Variants in CEP112 observed in about 807,000 individuals in gnomAD.
The protein encoded by CEP112 is centrosomal protein of 112 kDa.
A neutral mutation model predicts 153.0 loss-of-function variants in CEP112; 127 were observed. The observed-to-expected ratio is 0.83, with a 90% CI of 0.72 to 0.96. The LOEUF is 0.96. Ranked by LOEUF, CEP112 falls within the 40% of genes least tolerant of loss-of-function variation. The pLI, the probability that CEP112 is intolerant of heterozygous loss-of-function variation, is 0.00. For missense variants in CEP112, 1,089 were observed against 1,101.2 expected (o/e 0.99, Z 0.16); for synonymous variants, 358 against 374.4 (o/e 0.96, Z 0.51).
intron 18 of CEP112, among the ~76,000 whole-genome samples, chr17:65,930,607 C>T (rs1186364536): frequency 6.6e-6 from 1 of 152,156 alleles, no homozygotes; most frequent in Non-Finnish European, 1.5e-5. Context: ...GTATTGTGGT[C>T]AAGAATAAAT....
At chr17:65,947,480 C>T (rs1318949024) in intron 18 of CEP112, among the ~76,000 whole-genome samples, 2 of 152,072 alleles carry the variant, frequency 1.3e-5, no homozygotes, top group African/African-American at 4.8e-5. Flanking sequence ...ACAAATCAGC[C>T]AAGTGGAGAC....
intron 18 of CEP112, among the ~76,000 whole-genome samples, chr17:65,929,673 T>A (rs2061055148): frequency 6.6e-6 from 1 of 152,156 alleles, no homozygotes; most frequent in Non-Finnish European, 1.5e-5. Context: ...TGTCACCCCA[T>A]GTTCACTGTC....
intron 17 of CEP112, among the ~76,000 whole-genome samples, chr17:65,979,393 G>A (rs1301824236): frequency 6.6e-5 from 10 of 151,730 alleles, no homozygotes; most frequent in African/African-American, 4.8e-5. Context: ...ACCTCTACGC[G>A]GGTCTATTTT....
At chr17:65,845,784 G>A (rs1315041470) in intron 21 of CEP112, among the ~76,000 whole-genome samples, 1 of 152,032 alleles carries the variant, frequency 6.6e-6, no homozygotes, top group African/African-American at 2.4e-5. Context: ...ATTTTAAAAG[G>A]CCACAAAAGA....
In CEP112 at chr17:66,019,307, TAACAACAAC is replaced by T. The variant is rs112194513; in HGVS notation, c.1656+8185_1656+8193del. On this transcript the variant is annotated intron_variant, in intron 16 of 26. Transcript: ENST00000535342. ...TATTGAATGTGCACACCTGTAACAC[TAACAACAAC>T]AACAACAACAAAAAAGCCCTATACA... is the stretch of plus-strand genomic sequence containing the variant. Among the ~76,000 whole-genome samples the T allele has an allele frequency of 6.8e-5, 8 of 117,212 alleles. 1 individual carries two copies. Among genetic ancestry groups the T allele is most frequent in the Admixed American group, 2.2e-4 (2 of 9,282 alleles). 76.9% of individuals were successfully genotyped at this position (117,212 alleles called of 152,430 possible). A position where few individuals can be genotyped will look rare whatever the true frequency, so the allele number is the denominator to read the frequency against.
intron 8 of CEP112, among the ~76,000 whole-genome samples, chr17:66,085,979 CAAAA>C (rs373315539): frequency 9.1e-6 from 1 of 110,162 alleles, no homozygotes; most frequent in Non-Finnish European, 1.7e-5. Flanking sequence ...GACTCCGTCT[CAAAA>C]AAAAAAAAAA....
intron 24 of CEP112, among the ~76,000 whole-genome samples, chr17:65,659,792 A>G (rs895511981): frequency 6.6e-6 from 1 of 152,214 alleles, no homozygotes; most frequent in Non-Finnish European, 1.5e-5. Flanking sequence ...CTTCAGAAAT[A>G]CATAACTGAC....
chr17:65,912,176 C>T (rs961469256), intron 19 of CEP112, among the ~76,000 whole-genome samples: 2 of 152,146 alleles, frequency 1.3e-5, no homozygotes, highest in Admixed American at 6.5e-5. Context: ...AAGTAGTATT[C>T]CCACTGGCTC....
chr17:65,990,144 AATAATAT>A (rs2063545236), intron 17 of CEP112, among the ~76,000 whole-genome samples: 1 of 152,054 alleles, frequency 6.6e-6, no homozygotes, highest in African/African-American at 2.4e-5. Context: ...ACAACAAAAT[AATAATAT>A]TTAAGTCCTT....
At chr17:65,736,944 T>C (rs1234860766) in intron 23 of CEP112, among the ~76,000 whole-genome samples, 1 of 152,154 alleles carries the variant, frequency 6.6e-6, no homozygotes, top group African/African-American at 2.4e-5. Context: ...AGTCAGTCAA[T>C]GCACATTCTG....
chr17:65,795,165 A>G (rs1272368342), intron 21 of CEP112, among the ~76,000 whole-genome samples: 1 of 152,178 alleles, frequency 6.6e-6, no homozygotes, highest in Non-Finnish European at 1.5e-5. Flanking sequence ...AGCTCATAAT[A>G]GTGGGAGGTA....
At chr17:66,006,040 C>T (rs1442597576) in intron 16 of CEP112, among the ~76,000 whole-genome samples, 2 of 152,058 alleles carry the variant, frequency 1.3e-5, no homozygotes, top group Non-Finnish European at 2.9e-5. Context: ...AAATGGAATA[C>T]TTCAGATTTT....
intron 16 of CEP112, among the ~76,000 whole-genome samples, chr17:66,017,339 T>C (rs946033920): frequency 6.6e-6 from 1 of 152,212 alleles, no homozygotes; most frequent in Non-Finnish European, 1.5e-5. Context: ...TCTAAAATTA[T>C]TAGAATGAAA....
chr17:65,773,848 G>A (rs536099889), intron 21 of CEP112, among the ~76,000 whole-genome samples: 1 of 152,252 alleles, frequency 6.6e-6, no homozygotes, highest in South Asian at 2.1e-4. Context: ...GCTTTGGGAG[G>A]ACGAGGCAGG....
intron 23 of CEP112, among the ~76,000 whole-genome samples, chr17:65,704,454 CAA>C (rs1470136857): frequency 6.8e-6 from 1 of 147,932 alleles, no homozygotes; most frequent in Admixed American, 6.8e-5. Context: ...CACACACACA[CAA>C]ACATTTCTTT....
intron 12 of CEP112, among the ~76,000 whole-genome samples, chr17:66,048,613 G>GT (rs902702057): frequency 4.6e-5 from 7 of 151,206 alleles, no homozygotes; most frequent in South Asian, 2.1e-4. Context: ...GCACTATTTT[G>GT]TTTTTTTTAT....
chr17:65,957,139 T>C (rs759328902), intron 18 of CEP112, among the ~76,000 whole-genome samples: 4 of 152,162 alleles, frequency 2.6e-5, no homozygotes, highest in Non-Finnish European at 5.9e-5. Context: ...CTGTGGTTGA[T>C]GGAAGGTAAC....
intron 16 of CEP112, 55 bp downstream of exon 16, chr17:66,027,446 A>G (rs770502532): frequency 8.5e-6 from 11 of 1,295,096 alleles, no homozygotes; most frequent in Non-Finnish European, 1.0e-5. Context: ...ATCAGTCTGC[A>G]TTAATGCCTC....
At chr17:65,954,811 T>C (rs932883647) in intron 18 of CEP112, among the ~76,000 whole-genome samples, 4 of 151,916 alleles carry the variant, frequency 2.6e-5, no homozygotes, top group African/African-American at 7.3e-5. Context: ...CCATCAAAGA[T>C]GAAGAAAAAA....
Sources: allele counts gnomAD v4.1 joint callset (sites outside exome capture counted in the v4.1 genomes callset), GRCh38; gene constraint gnomAD v4.1.1; transcripts MANE v1.5; gene names NCBI Gene and HGNC (gene_info 2026-07-23, HGNC 2026-07-21).